Variants in SNTB1 observed in about 807,000 individuals in gnomAD.
The protein encoded by SNTB1 is syntrophin beta 1.
A neutral mutation model predicts 48.9 loss-of-function variants in SNTB1; 36 were observed. The observed-to-expected ratio is 0.74, with a 90% CI of 0.56 to 0.97. The LOEUF (loss-of-function observed/expected upper bound fraction) is 0.97. SNTB1 is among the 50% of genes least tolerant of loss of function. The probability of loss-of-function intolerance (pLI) is 0.00; values close to 1 mark genes in which losing one functional copy is unlikely to be tolerated. For missense variants in SNTB1, 786 were observed against 703.4 expected, an observed-to-expected ratio of 1.12 and a Z score of -1.33; for synonymous variants, 299 against 294.6, an observed-to-expected ratio of 1.01 and a Z score of -0.15.
intron 1 of SNTB1, among the ~76,000 whole-genome samples, chr8:120,747,505 G>A (rs1340831471): frequency 6.6e-6 from 1 of 152,088 alleles, no homozygotes; most frequent in Non-Finnish European, 1.5e-5. Flanking sequence ...TGGCCAAGGT[G>A]GTCTCAAACT....
chr8:120,632,471 A>G lies in SNTB1; in HGVS notation c.969T>C (p.Ile323=). The change falls in exon 3 of 7, where the codon ATT becomes ATC. Residue 323 remains isoleucine (I), a synonymous_variant. Coordinates refer to ENST00000517992, the MANE Select transcript of SNTB1 (RefSeq NM_021021.4). ...GKTGIAGSRE[I]RHLGWLAEKV... Reference sequence around the variant, plus strand: ...TTTCTGCAAGCCAGCCAAGATGCCTAATCTCTCGGCTCCCAGCAATGCCTG... The same window carrying G: ...TTTCTGCAAGCCAGCCAAGATGCCTGATCTCTCGGCTCCCAGCAATGCCTG... 6.2e-7 allele frequency: 1 copy of G among 1,614,108 alleles called. No individual in the cohort carries two copies. Among genetic ancestry groups the G allele is most frequent in the Non-Finnish European group, 8.5e-7 (1 of 1,180,016 alleles).
chr8:120,590,953 G>A (rs113031706), intron 3 of SNTB1, among the ~76,000 whole-genome samples: 2,966 of 152,142 alleles, frequency 0.019, 50 homozygotes, highest in Non-Finnish European at 0.025. Context: ...CCAAAGTGCT[G>A]GAATTACCAA....
At chr8:120,702,787 C>T (rs1322609630) in intron 1 of SNTB1, among the ~76,000 whole-genome samples, 2 of 152,184 alleles carry the variant, frequency 1.3e-5, no homozygotes, top group Admixed American at 6.5e-5. Context: ...CTCTGGACTC[C>T]GGAGCCAGAC....
chr8:120,805,087 A>G (rs1563608620), intron 1 of SNTB1, among the ~76,000 whole-genome samples: 1 of 152,222 alleles, frequency 6.6e-6, no homozygotes, highest in Non-Finnish European at 1.5e-5. Context: ...GAGCAAATAT[A>G]TAAATCGATG....
intron 4 of SNTB1, among the ~76,000 whole-genome samples, chr8:120,551,254 CAAAAA>C (rs11304538): frequency 5.0e-5 from 4 of 80,686 alleles, no homozygotes; most frequent in East Asian, 4.6e-4. Flanking sequence ...GACTCCATCT[CAAAAA>C]AAAAAAAAAA....
intron 3 of SNTB1, 94 bp downstream of exon 3, chr8:120,632,350 G>C: frequency 8.8e-7 from 1 of 1,134,960 alleles, no homozygotes; most frequent in South Asian, 1.4e-5. Flanking sequence ...GTGAATGAGA[G>C]AATCAGCCTA....
At chr8:120,560,747 G>C (rs1386355149) in intron 4 of SNTB1, among the ~76,000 whole-genome samples, 1 of 152,150 alleles carries the variant, frequency 6.6e-6, no homozygotes, top group Non-Finnish European at 1.5e-5. Flanking sequence ...ACGACCATCT[G>C]CCAGTAGTAT....
intron 1 of SNTB1, among the ~76,000 whole-genome samples, chr8:120,801,769 C>T (rs71514722): frequency 0.072 from 11,019 of 152,114 alleles, 617 homozygotes; most frequent in African/African-American, 0.16. Context: ...CTGCTCCTAT[C>T]GTTTGTCCGG....
In SNTB1 at chr8:120,715,826, A is replaced by T. The variant is rs558468049; in HGVS notation, c.572-21918T>A. 4.6e-5 allele frequency among the ~76,000 whole-genome samples: 7 copies of T among 152,126 alleles called. No homozygotes were observed. In the East Asian group the frequency reaches 1.4e-3, roughly 29 times the overall value. ...GTCCCACTCACACAGCAGTGGAGAG[A>T]CTGTTTTGAGAAAGTAATCCGAGTG... is the stretch of plus-strand genomic sequence containing the variant. On this transcript the variant is annotated intron_variant, in intron 1 of 6. Transcript: ENST00000517992.
chr8:120,779,595 T>G (rs554793159), intron 1 of SNTB1, among the ~76,000 whole-genome samples: 1 of 152,262 alleles, frequency 6.6e-6, no homozygotes, highest in East Asian at 1.9e-4. Flanking sequence ...GATATTGCTG[T>G]AATCTAGAAA....
chr8:120,679,859 A>AT (rs33973623), intron 2 of SNTB1, among the ~76,000 whole-genome samples: 44,663 of 149,706 alleles, frequency 0.3, 7,503 homozygotes, highest in Admixed American at 0.4. Context: ...CTCTTGAGAT[A>AT]TTTTTTTTTT....
At chr8:120,723,113 T>C (rs1703542203) in intron 1 of SNTB1, among the ~76,000 whole-genome samples, 1 of 152,184 alleles carries the variant, frequency 6.6e-6, no homozygotes, top group Non-Finnish European at 1.5e-5. Context: ...TCTGTTCCAA[T>C]GGAGACCATT....
intron 3 of SNTB1, among the ~76,000 whole-genome samples, chr8:120,580,343 G>C (rs1405774346): frequency 6.6e-6 from 1 of 152,220 alleles, no homozygotes; most frequent in African/African-American, 2.4e-5. Context: ...TGAGGGACGT[G>C]AACAGCTTAC....
chr8:120,693,908 A>G lies in SNTB1; in HGVS notation c.572T>C (p.Val191Ala). The G allele has an allele frequency of 6.2e-7, 1 of 1,612,226 alleles. No homozygotes were observed. The highest frequency in any genetic ancestry group is 1.7e-5 in the Admixed American group (1 of 59,884). ...GGGCGTGGCTTCTCGCATGTACTTC[A>G]CTGCAAGGAAAAAGACAACAAGTGC... ...KRAGKEVLLE[V>A]KYMREATPYV... The change falls in exon 2 of 7, where the codon GTG (valine) becomes GCG (alanine). Residue 191 changes from valine to alanine, a missense_variant and splice_region_variant. By Grantham distance (64) the Val-to-Ala change is moderately conservative. Transcript: ENST00000517992.
At chr8:120,591,746 C>T (rs575861369) in intron 3 of SNTB1, among the ~76,000 whole-genome samples, 1 of 152,276 alleles carries the variant, frequency 6.6e-6, no homozygotes, top group African/African-American at 2.4e-5. Flanking sequence ...GTGTCCTATG[C>T]AATCCTGTTC....
chr8:120,592,496 A>T (rs1816257762), intron 3 of SNTB1, among the ~76,000 whole-genome samples: 4 of 152,118 alleles, frequency 2.6e-5, no homozygotes, highest in African/African-American at 9.7e-5. Flanking sequence ...AGAATTTTTT[A>T]AAAAATTCAT....
intron 1 of SNTB1, among the ~76,000 whole-genome samples, chr8:120,750,681 GA>G (rs142122645): frequency 0.024 from 3,640 of 152,168 alleles, 136 homozygotes; most frequent in African/African-American, 0.082. Flanking sequence ...CTGTTTAAAT[GA>G]AATTGACTCA....
At chr8:120,559,945 A>G (rs1401525011) in intron 4 of SNTB1, among the ~76,000 whole-genome samples, 1 of 152,100 alleles carries the variant, frequency 6.6e-6, no homozygotes, top group Non-Finnish European at 1.5e-5. Flanking sequence ...AAAAAAGAAA[A>G]AAAAAACAAC....
In SNTB1 at chr8:120,537,656, A is replaced by G. The variant is rs770787209; in HGVS notation, c.*1221T>C. On this transcript the variant is annotated 3_prime_UTR_variant, in exon 7 of 7. Transcript: ENST00000517992. ...TAGAGCTCATTTTCAAGGTTTGAGAAAAGTGACTTCAAAATCAATAGGTGT... is the reference window on the plus strand; with the variant it reads ...TAGAGCTCATTTTCAAGGTTTGAGAGAAGTGACTTCAAAATCAATAGGTGT... 4 of 152,238 alleles carry G rather than the reference A, an allele frequency of 2.6e-5. No homozygotes were observed. Among genetic ancestry groups the G allele is most frequent in the Non-Finnish European group, 4.4e-5 (3 of 68,040 alleles). 9.4% of individuals were successfully genotyped at this position (152,238 alleles called of 1,614,324 possible). A position where few individuals can be genotyped will look rare whatever the true frequency, so the allele number is the denominator to read the frequency against.
Sources: allele counts gnomAD v4.1 joint callset (sites outside exome capture counted in the v4.1 genomes callset), GRCh38; gene constraint gnomAD v4.1.1; transcripts MANE v1.5; gene names NCBI Gene and HGNC (gene_info 2026-07-23, HGNC 2026-07-21).